Variants in BOC observed in about 807,000 individuals in gnomAD.
BOC encodes the protein brother of CDO.
BOC carries 76 observed loss-of-function variants against 112.0 expected under a neutral mutation model. The ratio of observed to expected loss-of-function variants is 0.68; its 90% confidence interval spans 0.56 to 0.82. The LOEUF (loss-of-function observed/expected upper bound fraction) is 0.82. Among genes scored for constraint, BOC ranks in the 40% least tolerant of loss-of-function variants. The probability of loss-of-function intolerance (pLI) is 0.00; values close to 1 mark genes in which losing one functional copy is unlikely to be tolerated. For synonymous variants in BOC, 580 were observed against 599.8 expected (o/e 0.97, Z 0.48); for missense variants, 1,309 against 1,511.7 (o/e 0.87, Z 2.22).
At chr3:113,247,247 T>C (rs1314626875) in intron 2 of BOC, among the ~76,000 whole-genome samples, 2 of 152,070 alleles carry the variant, frequency 1.3e-5, no homozygotes. Context: ...CCTGGGGAAA[T>C]TGGGGCATGA....
intron 5 of BOC, chr3:113,270,085 A>T (rs1185649666): frequency 1.3e-5 from 2 of 152,300 alleles, no homozygotes; most frequent in African/African-American, 4.8e-5. Flanking sequence ...CAGGCCCCTG[A>T]TGTGGAAGAA....
chr3:113,283,473 C>A lies in BOC; in HGVS notation c.2497C>A (p.Pro833Thr). Residue 833 changes from proline to threonine, a missense_variant, in exon 16 of 20, where the codon CCC becomes ACC. Pro to Thr is a conservative substitution (Grantham distance 38). Transcript: ENST00000682979. Reference protein sequence around the residue: ...PPPTLAPPQPPLPETIERPVG... With the variant: ...PPPTLAPPQPTLPETIERPVG... ...CCCAACTCTGGCCCCACCACAGCCG[C>A]CCCTTCCTGAAACCATAGAGCGGCC... 1 of 1,614,084 alleles carries A rather than the reference C, an allele frequency of 6.2e-7. No homozygotes were observed. Among genetic ancestry groups the A allele is most frequent in the Non-Finnish European group, 8.5e-7 (1 of 1,179,954 alleles).
At chr3:113,281,509 A>C (rs1949197915) in intron 15 of BOC, among the ~76,000 whole-genome samples, 1 of 152,188 alleles carries the variant, frequency 6.6e-6, no homozygotes, top group Non-Finnish European at 1.5e-5. Context: ...TGGGAAAGGA[A>C]GTGGGCATGA....
chr3:113,265,249 CA>C (rs775364476), intron 4 of BOC, among the ~76,000 whole-genome samples: 1 of 152,182 alleles, frequency 6.6e-6, no homozygotes, highest in Non-Finnish European at 1.5e-5. Flanking sequence ...ATCCTGGTGC[CA>C]AACTCCTTTC....
intron 2 of BOC, among the ~76,000 whole-genome samples, chr3:113,222,028 A>T (rs78942406): frequency 0.062 from 9,427 of 152,174 alleles, 383 homozygotes; most frequent in African/African-American, 0.11. Context: ...CCTCATTTCA[A>T]TCAGGCCCCC....
intron 2 of BOC, among the ~76,000 whole-genome samples, chr3:113,245,587 G>A (rs1010384513): frequency 1.3e-5 from 2 of 152,134 alleles, no homozygotes; most frequent in Non-Finnish European, 2.9e-5. Flanking sequence ...AGCTTTCCCT[G>A]CCTTTAAGAC....
At chr3:113,221,155 A>G (rs932317004) in intron 2 of BOC, among the ~76,000 whole-genome samples, 2 of 152,228 alleles carry the variant, frequency 1.3e-5, no homozygotes, top group Non-Finnish European at 2.9e-5. Flanking sequence ...GGGTTATTGC[A>G]AAGAAGAGGC....
chr3:113,235,930 G>A (rs1943374480), intron 2 of BOC, among the ~76,000 whole-genome samples: 1 of 152,116 alleles, frequency 6.6e-6, no homozygotes, highest in African/African-American at 2.4e-5. Context: ...TGGCAAGGAT[G>A]TGGAGAAAAG....
intron 1 of BOC, chr3:113,212,350 C>T: frequency 6.6e-6 from 1 of 152,224 alleles, no homozygotes. Flanking sequence ...GTGGTTTCGC[C>T]TCAGCGGTTC....
chr3:113,260,573 A>G (rs1040435535), intron 4 of BOC, among the ~76,000 whole-genome samples: 1 of 151,742 alleles, frequency 6.6e-6, no homozygotes, highest in Non-Finnish European at 1.5e-5. Flanking sequence ...ACAGGGTCAC[A>G]CAGCAGGAGG....
chr3:113,253,404 C>CA (rs1231893257), intron 4 of BOC, among the ~76,000 whole-genome samples: 3 of 151,016 alleles, frequency 2.0e-5, no homozygotes, highest in African/African-American at 7.3e-5. Context: ...AGCCTAGGAA[C>CA]AAAAATTTTT....
In BOC at chr3:113,281,396, C is replaced by T. The variant is rs926602631; in HGVS notation, c.2434+243C>T. On this transcript the variant is annotated intron_variant, in intron 15 of 19. Coordinates refer to ENST00000682979, the MANE Select transcript of BOC (RefSeq NM_001378074.1). The stretch of plus-strand genomic sequence containing the variant: ...CTCATCCATGAAATCAGGGGATAGA[C>T]CTCATTCTTAAGTTGGGAACTTCCT... Among the ~76,000 whole-genome samples the T allele has an allele frequency of 3.3e-5, 5 of 152,324 alleles. No individual in the cohort carries two copies. In the East Asian group the frequency reaches 7.7e-4, roughly 23 times the overall value.
chr3:113,284,782 C>G lies in BOC; in HGVS notation c.2890C>G (p.Gln964Glu), dbSNP rs758819163. Residue 964 changes from glutamine to glutamate, a missense_variant and splice_region_variant, in exon 18 of 20, where the codon CAG becomes GAG. Physicochemically the swap from Gln to Glu is conservative, Grantham distance 29. Transcript: ENST00000682979. ...TCTCATTACTCTTCCTTTTGAGCAG[C>G]AGAGTGACACCAGCAGCCTGCTGAG... ...QQHCPGELQQ[Q>E]SDTSSLLRQT... 7 of 1,613,966 alleles carry G rather than the reference C, an allele frequency of 4.3e-6. No individual in the cohort carries two copies.
intron 4 of BOC, among the ~76,000 whole-genome samples, chr3:113,256,888 G>A (rs2107486216): frequency 6.6e-6 from 1 of 152,266 alleles, no homozygotes; most frequent in South Asian, 2.1e-4. Context: ...TGATATTGCA[G>A]TCTTAGGGTA....
chr3:113,283,073 AT>A (rs2107742508), intron 15 of BOC, among the ~76,000 whole-genome samples: 1 of 152,264 alleles, frequency 6.6e-6, no homozygotes, highest in East Asian at 1.9e-4. Flanking sequence ...TGGCTCCTGC[AT>A]TTTAAATATT....
rs757703891 is a variant in BOC, at chr3:113,284,799, C to T, written c.2907C>T (p.Ser969=). 8.7e-6 allele frequency: 14 copies of T among 1,614,094 alleles called. No individual in the cohort carries two copies. The highest frequency in any genetic ancestry group is 1.2e-5 in the Non-Finnish European group (14 of 1,180,000). ...TTGAGCAGCAGAGTGACACCAGCAG[C>T]CTGCTGAGGCAGACCCATCTTGGCA... The part of the protein sequence containing the change: ...GELQQQSDTS[S]LLRQTHLGNG... The change falls in exon 18 of 20, where the codon AGC becomes AGT. Residue 969 remains serine, a synonymous_variant. Transcript: ENST00000682979.
At chr3:113,273,809 A>G (rs946964021) in intron 8 of BOC, among the ~76,000 whole-genome samples, 2 of 152,220 alleles carry the variant, frequency 1.3e-5, no homozygotes, top group Admixed American at 1.3e-4. Flanking sequence ...CTAAGTCAGC[A>G]TTATCGGGTG....
intron 1 of BOC, among the ~76,000 whole-genome samples, chr3:113,213,669 C>CT (rs1938720436): frequency 6.6e-6 from 1 of 152,108 alleles, no homozygotes; most frequent in Non-Finnish European, 1.5e-5. Flanking sequence ...TTTCTGAGGT[C>CT]TTATAATTGG....
intron 2 of BOC, among the ~76,000 whole-genome samples, chr3:113,229,173 G>A (rs1480145059): frequency 6.6e-6 from 1 of 152,192 alleles, no homozygotes; most frequent in Non-Finnish European, 1.5e-5. Context: ...CTTCGGGAAG[G>A]CCAGGAGCTA....
Sources: allele counts gnomAD v4.1 joint callset (sites outside exome capture counted in the v4.1 genomes callset), GRCh38; gene constraint gnomAD v4.1.1; transcripts MANE v1.5; gene names NCBI Gene and HGNC (gene_info 2026-07-23, HGNC 2026-07-21).